The following KIF20B variants were observed in gnomAD, a reference collection of about 807,000 sequenced individuals.
The protein encoded by KIF20B is kinesin family member 20B.
KIF20B carries 188 observed loss-of-function variants against 232.5 expected under a neutral mutation model. The observed-to-expected ratio is 0.81, with a 90% confidence interval of 0.72 to 0.91. KIF20B has a LOEUF of 0.91. Ranked by LOEUF, KIF20B falls within the 40% of genes least tolerant of loss-of-function variation. KIF20B has a pLI of 0.00. For missense variants in KIF20B, 2,154 were observed against 2,055.9 expected (o/e 1.05, Z -0.92); for synonymous variants, 712 against 683.0 (o/e 1.04, Z -0.66).
chr10:89,724,203 G>T, intron 14 of KIF20B, 100 bp downstream of exon 14: 2 of 1,157,264 alleles, frequency 1.7e-6, no homozygotes, highest in Admixed American at 2.9e-5. Flanking sequence ...GGTGGCTTCT[G>T]AATTCTGATC....
chr10:89,715,991 C>CT lies in KIF20B; in HGVS notation c.941-445_941-444insT, dbSNP rs1564659024. Among the ~76,000 whole-genome samples, 57 of 113,424 alleles carry CT rather than the reference C, an allele frequency of 5.0e-4. 2 individuals are homozygous for CT. The South Asian group carries it at 0.018, about 37-fold the overall frequency. The allele number at this position is 113,424 out of a possible 152,430, so 74.4% of individuals were successfully genotyped here. ...GGGCAACAGAGTGAAACCTTGTCTC[C>CT]AAAATAAATAAATAAATAAATAAAT... On this transcript the variant is annotated intron_variant, in intron 8 of 32. Coordinates refer to ENST00000371728, the MANE Select transcript of KIF20B (RefSeq NM_001284259.2).
intron 5 of KIF20B, among the ~76,000 whole-genome samples, chr10:89,710,618 GAAAAAGTATTGATGTGATACAGAGA>G (rs1206718417): frequency 1.3e-5 from 2 of 152,084 alleles, no homozygotes; most frequent in Admixed American, 1.3e-4. Flanking sequence ...TTAAAATCCA[GAAAAAGTATTGATGTGATACAGAGA>G]ATTAAGCATA....
At position 89,726,359 on chromosome 10, in the gene KIF20B, A is replaced by G; in HGVS notation, c.2068A>G (p.Lys690Glu). The stretch of plus-strand genomic sequence containing the variant: ...TCTTCAAGATAATGTTGCTGATATT[A>G]AGAAACAGGCTGAAATTGCTCACTT... ...DSLQDNVADI[K>E]KQAEIAHLYI... The change falls in exon 16 of 33, where the codon AAG (lysine) becomes GAG (glutamate). Residue 690 changes from lysine to glutamate, a missense_variant. Physicochemically the swap from Lys to Glu is moderately conservative, Grantham distance 56. Transcript: ENST00000371728. 6.4e-7 allele frequency: 1 copy of G among 1,557,226 alleles called. No individual in the cohort carries two copies. The highest frequency in any genetic ancestry group is 1.2e-5 in the South Asian group (1 of 84,640).
rs60911952 is a variant in KIF20B at position 89,770,603 on chromosome 10, AT to A, written c.5242+1725del. ...TTCCCTACCAATGCACTTGACATAC[AT>A]TTTTTTTTTCCTTTTTTCTTTTTGT... is the stretch of plus-strand genomic sequence containing the variant. On this transcript the variant is annotated intron_variant, in intron 31 of 32. Transcript: ENST00000371728. Among the ~76,000 whole-genome samples the A allele has an allele frequency of 3.4e-3, 506 of 149,076 alleles. 3 individuals carry two copies. The highest frequency in any genetic ancestry group is 0.011 in the African/African-American group (459 of 40,680).
At chr10:89,749,497 C>T (rs576908766) in intron 23 of KIF20B, among the ~76,000 whole-genome samples, 8 of 152,042 alleles carry the variant, frequency 5.3e-5, no homozygotes, top group Admixed American at 3.3e-4. Context: ...TTTATAGTAA[C>T]GTAAAGTGAC....
chr10:89,733,322 A>AGTT (rs1198960008), intron 19 of KIF20B, among the ~76,000 whole-genome samples: 1 of 74,380 alleles, frequency 1.3e-5, no homozygotes, highest in Non-Finnish European at 2.5e-5. Flanking sequence ...TATAATAGTT[A>AGTT]AAACTCATTA....
chr10:89,754,674 G>A lies in KIF20B; in HGVS notation c.4503+1G>A. 1 of 1,536,956 alleles carries A rather than the reference G, an allele frequency of 6.5e-7. No individual in the cohort carries two copies. Among genetic ancestry groups the A allele is most frequent in the South Asian group, 1.3e-5 (1 of 75,234 alleles). On this transcript the variant is annotated splice_donor_variant, in intron 26 of 32. Coordinates refer to ENST00000371728, the MANE Select transcript of KIF20B (RefSeq NM_001284259.2). LOFTEE classifies it high-confidence loss of function. ...TTTTTTTAAGCAACAGAATGAAATG[G>A]TTAGTAACAATTGTATCTTTGATGT...
rs1310923650 is a variant in KIF20B at position 89,738,179 on chromosome 10, T to G, written c.3338T>G (p.Leu1113Arg). The G allele has an allele frequency of 6.2e-6, 10 of 1,606,842 alleles. No homozygotes were observed. The highest frequency in any genetic ancestry group is 8.5e-6 in the Non-Finnish European group (10 of 1,179,006). Residue 1113 changes from leucine (L) to arginine (R), a missense_variant, in exon 20 of 33, where the codon CTA becomes CGA. By Grantham distance (102) the Leu-to-Arg change is moderately radical (BLOSUM62 -2). Coordinates refer to ENST00000371728, the MANE Select transcript of KIF20B (RefSeq NM_001284259.2). ...AAGGAGCATAAAAACCAAGATGACC[T>G]ACTAAAAGAAAAAGAAACTCTTATA... ...KEKEHKNQDD[L>R]LKEKETLIQQ...
Position 89,705,741 on chromosome 10 carries a change from G to GGA in KIF20B, c.147+303_147+304dup, listed in dbSNP as rs1347206761. 3.3e-5 allele frequency among the ~76,000 whole-genome samples: 5 copies of GGA among 152,306 alleles called. No homozygotes were observed. The East Asian group carries it at 9.6e-4, about 29-fold the overall frequency. ...TAATGGCAGAGTTGAGTAGTTGTGA[G>GGA]GAGACTATAGGGTCTCTAGAACCTA... On this transcript the variant is annotated intron_variant, in intron 2 of 32. Transcript: ENST00000371728.
Position 89,715,080 on chromosome 10 carries a change from A to G in KIF20B, c.838A>G (p.Asn280Asp). ...SVWVSFFEIY[N>D]EYIYDLFVPV... ...GTGGGTTTCTTTCTTTGAAATTTAC[A>G]ATGAATATATTTATGACTTATTTGT... The change falls in exon 8 of 33, where the codon AAT (asparagine) becomes GAT (aspartate). Residue 280 changes from asparagine to aspartate, a missense_variant. Transcript: ENST00000371728. 6.2e-7 allele frequency: 1 copy of G among 1,607,144 alleles called. No homozygotes were observed. The highest frequency in any genetic ancestry group is 2.2e-5 in the East Asian group (1 of 44,690).
chr10:89,709,551 A>G, intron 4 of KIF20B, 90 bp downstream of exon 4: 1 of 803,808 alleles, frequency 1.2e-6, no homozygotes, highest in Non-Finnish European at 2.1e-6. Context: ...AATGAACTAT[A>G]CATTTTATGC....
chr10:89,731,975 T>G (rs975437859), intron 18 of KIF20B, among the ~76,000 whole-genome samples: 2 of 152,218 alleles, frequency 1.3e-5, no homozygotes, highest in African/African-American at 4.8e-5. Flanking sequence ...TATCATACAC[T>G]TTGTTTTTTC....
intron 18 of KIF20B, among the ~76,000 whole-genome samples, chr10:89,731,442 A>G (rs1277270063): frequency 1.3e-5 from 2 of 152,236 alleles, no homozygotes; most frequent in Non-Finnish European, 2.9e-5. Flanking sequence ...ACATACAAAT[A>G]TACAAAGTAG....
intron 6 of KIF20B, 71 bp downstream of exon 6, chr10:89,711,216 C>T: frequency 4.2e-6 from 4 of 941,872 alleles, no homozygotes; most frequent in South Asian, 2.9e-5. Context: ...GATTGTTTCA[C>T]CATATATTGG....
At chr10:89,745,197 G>A (rs1040368161) in intron 22 of KIF20B, among the ~76,000 whole-genome samples, 9 of 152,132 alleles carry the variant, frequency 5.9e-5, no homozygotes, top group African/African-American at 1.9e-4. Context: ...TATCTAAAAT[G>A]TTGAGTAAGT....
intron 21 of KIF20B, among the ~76,000 whole-genome samples, chr10:89,741,909 A>G (rs1841802678): frequency 6.6e-6 from 1 of 152,208 alleles, no homozygotes; most frequent in Admixed American, 6.5e-5. Context: ...TATCAGGGAC[A>G]GTGTTTGTGT....
intron 1 of KIF20B, among the ~76,000 whole-genome samples, chr10:89,702,857 TA>T (rs1206024814): frequency 6.6e-6 from 1 of 152,022 alleles, no homozygotes; most frequent in Non-Finnish European, 1.5e-5. Flanking sequence ...TTATAGGGGA[TA>T]CAGAGTGGTA....
rs192869530 is a variant in KIF20B, at chr10:89,722,506, A to G, written c.1723-1458A>G. Among the ~76,000 whole-genome samples the G allele has an allele frequency of 3.6e-3, 547 of 152,212 alleles. 2 individuals carry two copies. The highest frequency in any genetic ancestry group is 6.0e-3 in the Admixed American group (91 of 15,272). On this transcript the variant is annotated intron_variant, in intron 13 of 32. Transcript: ENST00000371728. Reference sequence around the variant, plus strand: ...AACACGGTGAAACCCTGTCTCTACTAAAAATACAAAAAATTAGCCAGGCGT... The same window carrying G: ...AACACGGTGAAACCCTGTCTCTACTGAAAATACAAAAAATTAGCCAGGCGT...
In KIF20B at chr10:89,709,410, G is replaced by A. The variant is rs771120255; in HGVS notation, c.300G>A (p.Arg100=). The A allele has an allele frequency of 2.2e-5, 35 of 1,613,432 alleles. No homozygotes were observed. The East Asian group carries it at 7.6e-4, about 35-fold the overall frequency. Reference sequence around the variant, plus strand: ...AAGAGCCTCAATGCATCCTTGGTCGGTTAAGTGAAAAAAGCTCAGGGCAGA... The same window carrying A: ...AAGAGCCTCAATGCATCCTTGGTCGATTAAGTGAAAAAAGCTCAGGGCAGA... ...VLKEPQCILG[R]LSEKSSGQMA... Residue 100 remains arginine (R), a synonymous_variant, in exon 4 of 33, where the codon CGG becomes CGA. Transcript: ENST00000371728.
Sources: gnomAD v4.1 joint callset for allele counts (sites outside exome capture counted in the v4.1 genomes callset) on GRCh38, gnomAD v4.1.1 for gene constraint, MANE v1.5 for transcripts, NCBI Gene and HGNC (gene_info 2026-07-23, HGNC 2026-07-21) for gene names.